Variants in EVL observed in about 807,000 individuals in gnomAD.
The protein encoded by EVL is Enah/Vasp-like, also known as ena/VASP-like protein.
In EVL, 21 loss-of-function variants were observed where a neutral mutation model predicts 59.6. That is an observed-to-expected ratio of 0.35 (90% confidence interval 0.25 to 0.51). EVL has a LOEUF of 0.51. EVL is among the 20% of genes least tolerant of loss of function. EVL has a pLI of 0.97. For missense variants in EVL, 462 were observed against 546.6 expected, an observed-to-expected ratio of 0.85 and a Z score of 1.54; for synonymous variants, 198 against 203.5, an observed-to-expected ratio of 0.97 and a Z score of 0.23.
intron 1 of EVL, among the ~76,000 whole-genome samples, chr14:100,047,442 G>A (rs1359578207): frequency 6.6e-6 from 1 of 152,050 alleles, no homozygotes; most frequent in African/African-American, 2.4e-5. Flanking sequence ...CACACAGAAG[G>A]ATCCGTTCTT....
rs1198003390 is a variant in EVL at position 100,047,114 on chromosome 14, CTCTCTTTT to C, written c.6-37571_6-37564del. On this transcript the variant is annotated intron_variant, in intron 1 of 13. Coordinates refer to the EVL transcript ENST00000402714. ...ATTTTGAGACCTTGGGCAGATCTCT[CTCTCTTTT>C]TTTTTTTTTTTTTTTTTTTTTTTAC... 5.3e-3 allele frequency among the ~76,000 whole-genome samples: 508 copies of C among 95,106 alleles called. 72 individuals are homozygous for C. The East Asian group carries it at 0.083, about 16-fold the overall frequency. The allele number at this position is 95,106 out of a possible 152,430, so 62.4% of individuals were successfully genotyped here.
intron 1 of EVL, among the ~76,000 whole-genome samples, chr14:99,984,121 A>T (rs1359574179): frequency 6.6e-6 from 1 of 152,194 alleles, no homozygotes; most frequent in East Asian, 1.9e-4. Context: ...TAAGGACAGC[A>T]TTTCAGGTGG....
At chr14:100,021,723 CTGA>C in intron 1 of EVL, among the ~76,000 whole-genome samples, 2 of 152,314 alleles carry the variant, frequency 1.3e-5, no homozygotes, top group South Asian at 4.1e-4. Flanking sequence ...CCAGGTGAGT[CTGA>C]TGCTGCAGAT....
At chr14:100,131,355 T>C (rs1400596374) in intron 7 of EVL, among the ~76,000 whole-genome samples, 1 of 152,198 alleles carries the variant, frequency 6.6e-6, no homozygotes, top group African/African-American at 2.4e-5. Flanking sequence ...AAACATGCTT[T>C]GCATAGCTCA....
chr14:100,089,933 C>CA (rs943314884), intron 2 of EVL, among the ~76,000 whole-genome samples: 10 of 148,176 alleles, frequency 6.7e-5, no homozygotes, highest in South Asian at 2.1e-4. Context: ...AACCTTGTCT[C>CA]AAAAAAAAAG....
At chr14:100,023,906 C>T (rs1488547745) in intron 1 of EVL, among the ~76,000 whole-genome samples, 1 of 152,136 alleles carries the variant, frequency 6.6e-6, no homozygotes, top group East Asian at 1.9e-4. Context: ...TACCTCTGGA[C>T]CCAGAACAGT....
At chr14:100,030,146 A>G (rs898364684) in intron 1 of EVL, among the ~76,000 whole-genome samples, 1 of 147,846 alleles carries the variant, frequency 6.8e-6, no homozygotes, top group Non-Finnish European at 1.5e-5. Context: ...AGGCTGGGGT[A>G]CAGTGGCGCA....
chr14:100,104,932 T>C (rs1352263769), intron 3 of EVL, among the ~76,000 whole-genome samples: 14 of 147,344 alleles, frequency 9.5e-5, no homozygotes, highest in African/African-American at 3.3e-4. Flanking sequence ...TTTTTTTAAC[T>C]TTTGGAGCTA....
chr14:99,977,514 T>G (rs2060778127), intron 1 of EVL: 1 of 152,232 alleles, frequency 6.6e-6, no homozygotes. Context: ...TTCTCCTGCC[T>G]CAGCCTCCCG....
chr14:100,028,846 AGTT>A (rs1304644774), intron 1 of EVL, among the ~76,000 whole-genome samples: 1 of 152,194 alleles, frequency 6.6e-6, no homozygotes, highest in East Asian at 1.9e-4. Context: ...ATAAGCGTGC[AGTT>A]GTTGAGTTTT....
At chr14:100,091,626 C>G (rs1298822377) in intron 2 of EVL, among the ~76,000 whole-genome samples, 1 of 152,196 alleles carries the variant, frequency 6.6e-6, no homozygotes, top group Non-Finnish European at 1.5e-5. Flanking sequence ...GCCCACTCAT[C>G]TGTAGCCTTT....
At chr14:99,994,845 T>C (rs531145044) in intron 1 of EVL, among the ~76,000 whole-genome samples, 1 of 152,332 alleles carries the variant, frequency 6.6e-6, no homozygotes, top group African/African-American at 2.4e-5. Flanking sequence ...GTGTCAGCTT[T>C]TATTTATCTG....
intron 1 of EVL, among the ~76,000 whole-genome samples, chr14:100,056,000 C>T (rs2061725857): frequency 6.6e-6 from 1 of 151,900 alleles, no homozygotes; most frequent in African/African-American, 2.4e-5. Flanking sequence ...TTAGTAGAGA[C>T]AAGGTTTCAC....
intron 2 of EVL, among the ~76,000 whole-genome samples, chr14:100,095,764 G>A (rs755479340): frequency 6.6e-6 from 1 of 152,224 alleles, no homozygotes; most frequent in Non-Finnish European, 1.5e-5. Flanking sequence ...GTCTGGCTCT[G>A]TTGCCCAGGC....
At chr14:100,056,923 G>T (rs2061743006) in intron 1 of EVL, among the ~76,000 whole-genome samples, 1 of 152,182 alleles carries the variant, frequency 6.6e-6, no homozygotes. Flanking sequence ...AATAAAAAAT[G>T]ATAGTCCCTT....
At chr14:100,125,917 C>T in intron 4 of EVL, among the ~76,000 whole-genome samples, 1 of 152,184 alleles carries the variant, frequency 6.6e-6, no homozygotes, top group African/African-American at 2.4e-5. Context: ...ATGTTTCTGG[C>T]ACTCCCACCA....
intron 1 of EVL, among the ~76,000 whole-genome samples, chr14:99,990,292 T>TG (rs1213445026): frequency 6.6e-6 from 1 of 152,240 alleles, no homozygotes; most frequent in South Asian, 2.1e-4. Flanking sequence ...TCAGAAAACT[T>TG]GCTTAACAAT....
In EVL at chr14:100,109,500, T is replaced by C. The variant is rs1204545537; in HGVS notation, c.358+11842T>C. On this transcript the variant is annotated intron_variant, in intron 3 of 13. Coordinates refer to ENST00000392920, the MANE Select transcript of EVL (RefSeq NM_016337.3). The surrounding 1 kb of genome is among the most constrained non-coding windows in gnomAD (Gnocchi z 4.3). ...TGTCTCGGGAGCCCTGAAGAGAGAC[T>C]GACACATCAGAGGTGTCTGGTGACT... is the stretch of plus-strand genomic sequence containing the variant. 2.2e-6 allele frequency: 1 copy of C among 451,090 alleles called. No individual in the cohort carries two copies. The highest frequency in any genetic ancestry group is 2.4e-5 in the Admixed American group (1 of 41,484). The allele number at this position is 451,090 out of a possible 1,614,324, so 27.9% of individuals were successfully genotyped here.
At chr14:100,073,408 A>G (rs12884639) in intron 1 of EVL, among the ~76,000 whole-genome samples, 15 of 150,014 alleles carry the variant, frequency 1.0e-4, no homozygotes, top group Non-Finnish European at 1.8e-4. Flanking sequence ...TGCAACCTTA[A>G]CCTCCTCAGC....
Sources: allele counts gnomAD v4.1 joint callset (sites outside exome capture counted in the v4.1 genomes callset), GRCh38; gene constraint gnomAD v4.1.1; non-coding constraint Gnocchi (gnomAD v3.1); transcripts MANE v1.5; gene names NCBI Gene and HGNC (gene_info 2026-07-23, HGNC 2026-07-21).